Variants in HECTD4 observed in about 807,000 individuals in gnomAD.
HECTD4 encodes the protein HECT domain E3 ubiquitin protein ligase 4, also known as probable E3 ubiquitin-protein ligase HECTD4.
In HECTD4, 114 loss-of-function variants were observed where a neutral mutation model predicts 471.5. That is an observed-to-expected ratio of 0.24 (90% confidence interval 0.21 to 0.28). The LOEUF is 0.28. Ranked by LOEUF, HECTD4 falls within the 10% of genes least tolerant of loss-of-function variation. The probability of loss-of-function intolerance (pLI) is 1.00; values close to 1 mark genes in which losing one functional copy is unlikely to be tolerated. For missense variants in HECTD4, 3,866 were observed against 5,651.5 expected (o/e 0.68, Z 10.13); for synonymous variants, 2,012 against 2,256.0 (o/e 0.89, Z 3.07).
At chr12:112,366,381 A>G (rs897124872) in intron 1 of HECTD4, among the ~76,000 whole-genome samples, 26 of 151,936 alleles carry the variant, frequency 1.7e-4, no homozygotes, top group Admixed American at 1.3e-3. Flanking sequence ...TTAGTAAGGC[A>G]TGGTGGTGTG....
intron 7 of HECTD4, among the ~76,000 whole-genome samples, chr12:112,292,571 A>G (rs1038706176): frequency 6.6e-6 from 1 of 152,178 alleles, no homozygotes; most frequent in South Asian, 2.1e-4. Flanking sequence ...GCCCTTTGTA[A>G]TGTAGGAGAT....
rs1177257142 is a variant in HECTD4, at chr12:112,161,418, G to A, written c.*969C>T. 1 of 152,270 alleles carries A rather than the reference G, an allele frequency of 6.6e-6. No homozygotes were observed. Among genetic ancestry groups the A allele is most frequent in the South Asian group, 2.1e-4 (1 of 4,834 alleles). 9.4% of individuals were successfully genotyped at this position (152,270 alleles called of 1,614,324 possible). ...ACTAAAGCAGACCCCAAATTGAGCA[G>A]AGCACCTCAGTCCACTCTTTTGAAA... On this transcript the variant is annotated 3_prime_UTR_variant, in exon 76 of 76. Coordinates refer to ENST00000682272, the MANE Select transcript of HECTD4 (RefSeq NM_001388303.1).
rs1311058043 is a variant in HECTD4 at position 112,160,961 on chromosome 12, C to T, written c.*1426G>A. On this transcript the variant is annotated 3_prime_UTR_variant, in exon 76 of 76. Transcript: ENST00000682272. ...TCAGGGGATCCTTTCTATAATGGTC[C>T]TTGATGCATTTCCTAAGAGTTACAG... The T allele has an allele frequency of 5.9e-5, 9 of 152,108 alleles. No individual in the cohort carries two copies. Among genetic ancestry groups the T allele is most frequent in the African/African-American group, 2.2e-4 (9 of 41,414 alleles). 9.4% of individuals were successfully genotyped at this position (152,108 alleles called of 1,614,324 possible).
rs1341150985 is a variant in HECTD4, at chr12:112,246,892, G to A, written c.4513+9C>T. ...CAGAAGCCGATTAGGGGCTATCTTT[G>A]AGCAGTACCTGGTGTTTCAGCAGGG... On this transcript the variant is annotated intron_variant, in intron 29 of 75. Transcript: ENST00000682272. 6.2e-7 allele frequency: 1 copy of A among 1,608,770 alleles called. No homozygotes were observed. The highest frequency in any genetic ancestry group is 8.5e-7 in the Non-Finnish European group (1 of 1,178,490).
intron 55 of HECTD4, among the ~76,000 whole-genome samples, chr12:112,200,436 G>C (rs1403794701): frequency 6.6e-6 from 1 of 152,108 alleles, no homozygotes; most frequent in Non-Finnish European, 1.5e-5. Context: ...TTACAGGCGT[G>C]AGCTACCATG....
intron 13 of HECTD4, among the ~76,000 whole-genome samples, chr12:112,268,394 A>G (rs1026129349): frequency 1.5e-4 from 23 of 152,340 alleles, no homozygotes; most frequent in African/African-American, 5.5e-4. Context: ...GATCTTTCAG[A>G]CCAACCATTC....
rs559886195 is a variant in HECTD4, at chr12:112,184,452, C to T, written c.10514G>A (p.Ser3505Asn). The T allele has an allele frequency of 2.0e-5, 32 of 1,606,022 alleles. No homozygotes were observed. The South Asian group carries it at 3.5e-4, about 18-fold the overall frequency. ...CSSQGISQTVSDLSVDPLPAG... is the reference protein window; with the variant it reads ...CSSQGISQTVNDLSVDPLPAG... Reference sequence around the variant, plus strand: ...AGGCAGCGGATCCACAGAGAGGTCGCTGACGGTTTGGGAGATGCCCTGCGA... The same window carrying T: ...AGGCAGCGGATCCACAGAGAGGTCGTTGACGGTTTGGGAGATGCCCTGCGA... The change falls in exon 61 of 76, where the codon AGC (serine) becomes AAC (asparagine). Residue 3505 changes from serine (S) to asparagine (N), a missense_variant. Ser to Asn is a conservative substitution (Grantham distance 46, BLOSUM62 1). Coordinates refer to ENST00000682272, the MANE Select transcript of HECTD4 (RefSeq NM_001388303.1). The surrounding 1 kb of genome is among the most constrained non-coding windows in gnomAD (Gnocchi z 9.1).
intron 1 of HECTD4, among the ~76,000 whole-genome samples, chr12:112,338,954 C>T (rs1241379689): frequency 1.3e-5 from 2 of 152,124 alleles, no homozygotes; most frequent in Non-Finnish European, 2.9e-5. Flanking sequence ...TCAGGCCCAA[C>T]CCCCAACACT....
chr12:112,320,562 G>A (rs1039031059), intron 1 of HECTD4, among the ~76,000 whole-genome samples: 4 of 151,900 alleles, frequency 2.6e-5, no homozygotes, highest in Non-Finnish European at 4.4e-5. Context: ...TTAGCCAGGC[G>A]TGGTGGCCCA....
intron 22 of HECTD4, among the ~76,000 whole-genome samples, chr12:112,253,217 T>C (rs1025877454): frequency 1.3e-5 from 2 of 151,982 alleles, no homozygotes; most frequent in South Asian, 2.1e-4. Flanking sequence ...CTCCACCTCC[T>C]GGGTTTAAGC....
chr12:112,220,506 T>G (rs2033056659), intron 44 of HECTD4, among the ~76,000 whole-genome samples: 3 of 151,982 alleles, frequency 2.0e-5, no homozygotes, highest in African/African-American at 4.8e-5. Context: ...TTAAGTTAGA[T>G]CTTAAGAAAG....
intron 60 of HECTD4, among the ~76,000 whole-genome samples, chr12:112,189,648 C>A (rs933039685): frequency 2.3e-4 from 35 of 151,900 alleles, no homozygotes; most frequent in African/African-American, 8.2e-4. Context: ...CACGTGTCCT[C>A]TGTGCCTCCA....
At chr12:112,180,542 A>C (rs77215829) in intron 62 of HECTD4, among the ~76,000 whole-genome samples, 20,365 of 151,704 alleles carry the variant, frequency 0.13, 1,454 homozygotes, top group East Asian at 0.24. Flanking sequence ...AAAAAAAAAA[A>C]AACAACAACA....
rs1566087540 is a variant in HECTD4 at position 112,251,007 on chromosome 12, G to C, written c.3680C>G (p.Ala1227Gly). 1 of 1,613,484 alleles carries C rather than the reference G, an allele frequency of 6.2e-7. No homozygotes were observed. The highest frequency in any genetic ancestry group is 1.1e-5 in the South Asian group (1 of 90,990). The change falls in exon 24 of 76, where the codon GCC becomes GGC. Residue 1227 changes from alanine to glycine, a missense_variant. This residue lies in a region of HECTD4 where 281 missense variants were observed against 499.9 expected (regional missense o/e 0.56). Transcript: ENST00000682272. ...NGPEITKEEE[A>G]CQELLRSKLL... ...TTTGGACCGCAATAGCTCCTGACAG[G>C]CTTCTTCTTCTTTGGTAATTTCTGG...
chr12:112,215,337 G>C (rs1310388184), intron 48 of HECTD4, among the ~76,000 whole-genome samples: 1 of 152,284 alleles, frequency 6.6e-6, no homozygotes, highest in African/African-American at 2.4e-5. Flanking sequence ...TGTTTACTAT[G>C]TATCTCAATT....
At chr12:112,281,554 C>CA (rs1297631102) in intron 8 of HECTD4, among the ~76,000 whole-genome samples, 5 of 151,650 alleles carry the variant, frequency 3.3e-5, no homozygotes, top group Non-Finnish European at 5.9e-5. Context: ...AAAACAAAAA[C>CA]AAAAAAAACT....
Position 112,303,901 on chromosome 12 carries a change from A to G in HECTD4, c.1335+2163T>C, listed in dbSNP as rs78219137. On this transcript the variant is annotated intron_variant, in intron 7 of 75. Transcript: ENST00000682272. ...AAAAAAAAAAGGAAGGAAAAAAAGA[A>G]AAGAGGGAGAATTGAGACAAACTCT... 4.7e-4 allele frequency among the ~76,000 whole-genome samples: 71 copies of G among 152,166 alleles called. 1 individual carries two copies. The East Asian group carries it at 0.013, about 29-fold the overall frequency.
chr12:112,371,515 T>C (rs934633354), intron 1 of HECTD4, among the ~76,000 whole-genome samples: 1 of 151,206 alleles, frequency 6.6e-6, no homozygotes, highest in Non-Finnish European at 1.5e-5. Context: ...GCGGAGGTTT[T>C]AGTGAGCCGA....
chr12:112,202,077 G>C (rs1461770409), intron 54 of HECTD4, among the ~76,000 whole-genome samples: 1 of 152,186 alleles, frequency 6.6e-6, no homozygotes, highest in Admixed American at 6.5e-5. Flanking sequence ...TCAGAAGGCA[G>C]TGGGAGATTA....
Sources: allele counts gnomAD v4.1 joint callset (sites outside exome capture counted in the v4.1 genomes callset), GRCh38; gene constraint gnomAD v4.1.1; regional missense constraint gnomAD v4.1.1; non-coding constraint Gnocchi (gnomAD v3.1); transcripts MANE v1.5; gene names NCBI Gene and HGNC (gene_info 2026-07-23, HGNC 2026-07-21).